Variants in PCDHGB2 observed in about 807,000 individuals in gnomAD.
The protein encoded by PCDHGB2 is protocadherin gamma-B2.
In PCDHGB2, 55 loss-of-function variants were observed where a neutral mutation model predicts 59.3. The observed-to-expected ratio is 0.93, with a 90% CI of 0.75 to 1.16. The LOEUF (loss-of-function observed/expected upper bound fraction) is 1.16, where lower values mean the gene tolerates loss of function less well. Ranked by LOEUF, PCDHGB2 falls within the 50% of genes most tolerant of loss-of-function variation. The pLI is 0.00. For synonymous variants in PCDHGB2, 516 were observed against 512.0 expected (o/e 1.01, Z -0.11); for missense variants, 1,228 against 1,198.5 (o/e 1.02, Z -0.36).
At position 141,362,043 on chromosome 5, in the gene PCDHGB2, C is replaced by T; in HGVS notation, c.1908C>T (p.Asp636=). 6.2e-7 allele frequency: 1 copy of T among 1,610,452 alleles called. No individual in the cohort carries two copies. Among genetic ancestry groups the T allele is most frequent in the South Asian group, 1.1e-5 (1 of 90,998 alleles). Reference sequence around the variant, plus strand: ...CAGCGCGTGCCTTGGGCGACAGGGACGCGGCCCGCCAGCGCCTGCTGGTCG... The same window carrying T: ...CAGCGCGTGCCTTGGGCGACAGGGATGCGGCCCGCCAGCGCCTGCTGGTCG... The part of the protein sequence containing the change: ...VRTARALGDR[D]AARQRLLVAV... Residue 636 remains aspartate, a synonymous_variant, in exon 1 of 4, where the codon GAC becomes GAT. Transcript: ENST00000522605.
At chr5:141,438,583 CAT>C (rs1561889590) in intron 1 of PCDHGB2, among the ~76,000 whole-genome samples, 4 of 57,610 alleles carry the variant, frequency 6.9e-5, no homozygotes, top group African/African-American at 3.6e-4. Flanking sequence ...TACATACATA[CAT>C]ACATACATAT....
intron 1 of PCDHGB2, chr5:141,370,958 CA>C (rs1167381959): frequency 6.2e-7 from 1 of 1,613,874 alleles, no homozygotes. Context: ...ACCTGGATGG[CA>C]GTAGGTACCC....
At chr5:141,444,783 C>A (rs551686741) in intron 1 of PCDHGB2, among the ~76,000 whole-genome samples, 2 of 152,100 alleles carry the variant, frequency 1.3e-5, no homozygotes, top group Non-Finnish European at 2.9e-5. Context: ...GATCATGTTT[C>A]ATTTGTCTAT....
chr5:141,372,653 T>A, intron 1 of PCDHGB2: 1 of 1,614,032 alleles, frequency 6.2e-7, no homozygotes. Context: ...ATTCCTACAA[T>A]CCGTGTGCTG....
intron 1 of PCDHGB2, chr5:141,393,894 C>T (rs201697840): frequency 6.2e-7 from 1 of 1,614,000 alleles, no homozygotes. Flanking sequence ...AGAAAATTCT[C>T]TTCCCGGGAC....
In PCDHGB2 at chr5:141,490,262, G is replaced by A; in HGVS notation, c.2422-4545G>A. 1.2e-6 allele frequency: 2 copies of A among 1,614,206 alleles called. No homozygotes were observed. Among genetic ancestry groups the A allele is most frequent in the South Asian group, 1.1e-5 (1 of 91,086 alleles). On this transcript the variant is annotated intron_variant, in intron 1 of 3. Transcript: ENST00000522605. The surrounding 1 kb of genome is among the most constrained non-coding windows in gnomAD (Gnocchi z 5.4). ...CACTGTGTGATTCAAGTGGATGTGGGGGATGTCAATGACAATGCCCCAGAG... is the reference window on the plus strand; with the variant it reads ...CACTGTGTGATTCAAGTGGATGTGGAGGATGTCAATGACAATGCCCCAGAG...
In PCDHGB2 at chr5:141,376,165, G is replaced by A. The variant is rs181247360; in HGVS notation, c.2421+13609G>A. ...ATTCGGACCTCACTCTGTACCTGGT[G>A]GTGGCGGTGGCCGCGGTCTCCTGCG... On this transcript the variant is annotated intron_variant, in intron 1 of 3. Coordinates refer to ENST00000522605, the MANE Select transcript of PCDHGB2 (RefSeq NM_018923.3). 5.0e-5 allele frequency: 80 copies of A among 1,614,136 alleles called. No individual in the cohort carries two copies. In the East Asian group the frequency reaches 1.2e-3, roughly 25 times the overall value.
At chr5:141,362,856 C>T (rs1331872357) in intron 1 of PCDHGB2, among the ~76,000 whole-genome samples, 2 of 152,238 alleles carry the variant, frequency 1.3e-5, no homozygotes, top group Non-Finnish European at 2.9e-5. Context: ...ATTAGTTTCA[C>T]CTTCAGGCTC....
chr5:141,403,796 T>C (rs1028690414), intron 1 of PCDHGB2: 3 of 1,613,866 alleles, frequency 1.9e-6, no homozygotes, highest in Non-Finnish European at 1.7e-6. Flanking sequence ...ATACAAATTC[T>C]GGAAAATTAA....
intron 1 of PCDHGB2, chr5:141,398,938 G>A: frequency 6.2e-7 from 1 of 1,613,958 alleles, no homozygotes; most frequent in African/African-American, 1.3e-5. Context: ...TGACCAAGAC[G>A]AGGGCATCAA....
At chr5:141,389,404 C>T in intron 1 of PCDHGB2, 3 of 1,613,616 alleles carry the variant, frequency 1.9e-6, no homozygotes, top group Non-Finnish European at 2.5e-6. Context: ...TCCATAAGCG[C>T]GGAGAGCGGG....
rs374995933 is a variant in PCDHGB2 at position 141,371,810 on chromosome 5, G to T, written c.2421+9254G>T. 1,100 of 1,613,756 alleles carry T rather than the reference G, an allele frequency of 6.8e-4. 2 individuals carry two copies. Among genetic ancestry groups the T allele is most frequent in the Non-Finnish European group, 9.0e-4 (1,060 of 1,179,898 alleles). On this transcript the variant is annotated intron_variant, in intron 1 of 3. Transcript: ENST00000522605. ...ACAATCCGCCTGGAGCCTCCATTGC[G>T]CATGTCAGAGCCTCGGATCCCGACT...
chr5:141,412,839 G>A, intron 1 of PCDHGB2: 1 of 203,324 alleles, frequency 4.9e-6, no homozygotes, highest in Admixed American at 5.8e-5. Context: ...TTAAAGATAG[G>A]AGTGGAGAAA....
At chr5:141,461,757 G>A (rs2099022119) in intron 1 of PCDHGB2, among the ~76,000 whole-genome samples, 1 of 151,994 alleles carries the variant, frequency 6.6e-6, no homozygotes, top group Non-Finnish European at 1.5e-5. Context: ...AGATTCAAGC[G>A]ATTCTCCTGC....
chr5:141,369,438 G>A (rs1766245729), intron 1 of PCDHGB2, among the ~76,000 whole-genome samples: 3 of 152,098 alleles, frequency 2.0e-5, no homozygotes, highest in African/African-American at 7.2e-5. Flanking sequence ...ACGCTGAGGT[G>A]GGAGGATTGC....
At chr5:141,365,011 C>T (rs372758360) in intron 1 of PCDHGB2, 64 of 1,613,820 alleles carry the variant, frequency 4.0e-5, no homozygotes, top group African/African-American at 6.7e-5. Context: ...GCACCACGCA[C>T]ATCCGTGTTA....
In PCDHGB2 at chr5:141,476,351, G is replaced by A; in HGVS notation, c.2422-18456G>A. The A allele has an allele frequency of 1.2e-6, 2 of 1,614,182 alleles. No individual in the cohort carries two copies. The highest frequency in any genetic ancestry group is 1.7e-6 in the Non-Finnish European group (2 of 1,180,046). ...TGGAGCTAGCCGAAGATTCTTTGAG[G>A]TGAACCGGGAGACCGGAGAGATGTT... On this transcript the variant is annotated intron_variant, in intron 1 of 3. Coordinates refer to ENST00000522605, the MANE Select transcript of PCDHGB2 (RefSeq NM_018923.3). This position sits in a 1 kb window ranked among gnomAD's most constrained non-coding sequence, Gnocchi z 7.6.
rs1267722283 is a variant in PCDHGB2 at position 141,493,105 on chromosome 5, G to A, written c.2422-1702G>A. Reference sequence around the variant, plus strand: ...GAGCTTTTATTCAAAATATATCAATGCCTAACTCTGCTCCTAGGACTGTAT... The same window carrying A: ...GAGCTTTTATTCAAAATATATCAATACCTAACTCTGCTCCTAGGACTGTAT... On this transcript the variant is annotated intron_variant, in intron 1 of 3. Coordinates refer to ENST00000522605, the MANE Select transcript of PCDHGB2 (RefSeq NM_018923.3). This position sits in a 1 kb window ranked among gnomAD's most constrained non-coding sequence, Gnocchi z 4.3. Among the ~76,000 whole-genome samples, 1 of 152,076 alleles carries A rather than the reference G, an allele frequency of 6.6e-6. No homozygotes were observed. Among genetic ancestry groups the A allele is most frequent in the Non-Finnish European group, 1.5e-5 (1 of 67,994 alleles).
intron 1 of PCDHGB2, among the ~76,000 whole-genome samples, chr5:141,473,759 C>G (rs989399714): frequency 3.3e-5 from 5 of 152,158 alleles, no homozygotes; most frequent in African/African-American, 1.2e-4. Flanking sequence ...GGATACTATG[C>G]AAAGGATTTG....
Sources: gnomAD v4.1 joint callset for allele counts (sites outside exome capture counted in the v4.1 genomes callset) on GRCh38, gnomAD v4.1.1 for gene constraint, Gnocchi (gnomAD v3.1) non-coding constraint, MANE v1.5 for transcripts, NCBI Gene and HGNC (gene_info 2026-07-23, HGNC 2026-07-21) for gene names.